Variants in ROR1 observed in about 807,000 individuals in gnomAD.
The protein encoded by ROR1 is inactive tyrosine-protein kinase transmembrane receptor ROR1.
In ROR1, 19 loss-of-function variants were observed where a neutral mutation model predicts 78.8. The observed-to-expected ratio is 0.24, with a 90% CI of 0.17 to 0.35. The LOEUF is 0.35. Among genes scored for constraint, ROR1 ranks in the 10% least tolerant of loss-of-function variants. The pLI is 1.00. For missense variants in ROR1, 917 were observed against 1,177.8 expected, an observed-to-expected ratio of 0.78 and a Z score of 3.24; for synonymous variants, 386 against 433.6, an observed-to-expected ratio of 0.89 and a Z score of 1.36.
intron 1 of ROR1, among the ~76,000 whole-genome samples, chr1:63,898,515 A>G (rs1645459155): frequency 6.6e-6 from 1 of 151,784 alleles, no homozygotes; most frequent in Admixed American, 6.6e-5. Context: ...AAAAAAAGGG[A>G]AAGAAAAAGA....
In ROR1 at chr1:64,177,737, A is replaced by T; in HGVS notation, c.1696A>T (p.Met566Leu). The T allele has an allele frequency of 3.1e-6, 5 of 1,614,162 alleles. No homozygotes were observed. The highest frequency in any genetic ancestry group is 4.2e-6 in the Non-Finnish European group (5 of 1,180,028). Residue 566 changes from methionine (M) to leucine (L), a missense_variant, in exon 9 of 9, where the codon ATG becomes TTG. Physicochemically the swap from Met to Leu is conservative, Grantham distance 15. Around this residue, in one of 3 missense-constraint regions of ROR1, gnomAD observed 835 missense variants for 1,069.8 expected, o/e 0.78. Transcript: ENST00000371079. ...NQGDLHEFLI[M>L]RSPHSDVGCS... ...GGGGGATCTCCATGAGTTCCTCATCATGAGATCCCCACACTCTGATGTTGG... is the reference window on the plus strand; with the variant it reads ...GGGGGATCTCCATGAGTTCCTCATCTTGAGATCCCCACACTCTGATGTTGG...
chr1:64,148,062 C>T (rs1053538387), intron 7 of ROR1, among the ~76,000 whole-genome samples: 4 of 152,192 alleles, frequency 2.6e-5, no homozygotes, highest in African/African-American at 9.7e-5. Flanking sequence ...CAATTGTAAA[C>T]TATAGAATAA....
intron 1 of ROR1, among the ~76,000 whole-genome samples, chr1:63,921,682 CGGGTGGGGT>C (rs1390284047): frequency 7.1e-4 from 1 of 1,408 alleles, no homozygotes; most frequent in African/African-American, 5.3e-3. Flanking sequence ...TGGGGTGGGG[CGGGTGGGGT>C]GGGAGGCTAG....
chr1:63,847,961 A>C (rs577230966), intron 1 of ROR1, among the ~76,000 whole-genome samples: 3 of 152,354 alleles, frequency 2.0e-5, no homozygotes, highest in African/African-American at 7.2e-5. Context: ...GAGCAGAGAT[A>C]AAAACAAAAC....
At chr1:63,835,058 C>G (rs1236980055) in intron 1 of ROR1, among the ~76,000 whole-genome samples, 1 of 152,106 alleles carries the variant, frequency 6.6e-6, no homozygotes, top group East Asian at 1.9e-4. Flanking sequence ...TAAAGTCACA[C>G]AGCTTCAAAT....
At chr1:64,050,884 A>T (rs964079250) in intron 4 of ROR1, among the ~76,000 whole-genome samples, 168 bp downstream of exon 4, 4 of 152,162 alleles carry the variant, frequency 2.6e-5, no homozygotes, top group African/African-American at 9.7e-5. Flanking sequence ...AAAGATTCAC[A>T]GGAGACCACC....
At chr1:63,784,398 T>C (rs1354218548) in intron 1 of ROR1, among the ~76,000 whole-genome samples, 1 of 152,220 alleles carries the variant, frequency 6.6e-6, no homozygotes, top group Non-Finnish European at 1.5e-5. Flanking sequence ...TTTTCACTAC[T>C]GTTTCACCAA....
rs1256813856 is a variant in ROR1, at chr1:64,076,079, G to GGTT, written c.482+25363_482+25364insGTT. 2.1e-3 allele frequency among the ~76,000 whole-genome samples: 314 copies of GGTT among 152,314 alleles called. 2 individuals carry two copies. The highest frequency in any genetic ancestry group is 7.4e-3 in the African/African-American group (308 of 41,544). On this transcript the variant is annotated intron_variant, in intron 4 of 8. Coordinates refer to ENST00000371079, the MANE Select transcript of ROR1 (RefSeq NM_005012.4). ...ACCCTTCTTGCTGACAGAGGAAGAA[G>GGTT]AATCCCACTACCTTTTAGCTGGAGG...
intron 1 of ROR1, among the ~76,000 whole-genome samples, chr1:63,809,470 T>C (rs1569748941): frequency 6.6e-6 from 1 of 152,172 alleles, no homozygotes; most frequent in Non-Finnish European, 1.5e-5. Context: ...TGCTTCCAAA[T>C]TGGGTTTAAA....
At chr1:64,030,728 T>C (rs982545426) in intron 2 of ROR1, among the ~76,000 whole-genome samples, 19 of 152,194 alleles carry the variant, frequency 1.2e-4, no homozygotes, top group Admixed American at 2.0e-4. Flanking sequence ...ATCCCTGACA[T>C]AGACTTAATG....
At chr1:64,067,710 C>CTTTTTTTTTTTTTTTTTTTTTTTTTT (rs986756579) in intron 4 of ROR1, among the ~76,000 whole-genome samples, 2 of 105,644 alleles carry the variant, frequency 1.9e-5, no homozygotes, top group African/African-American at 8.5e-5. Flanking sequence ...TAAATAAATT[C>CTTTTTTTTTTTTTTTTTTTTTTTTTT]TTTTTTTTTT....
At chr1:64,019,145 CAA>C (rs982126382) in intron 2 of ROR1, among the ~76,000 whole-genome samples, 6 of 152,190 alleles carry the variant, frequency 3.9e-5, no homozygotes, top group African/African-American at 1.4e-4. Flanking sequence ...TAGTGTGCAA[CAA>C]AGTTTGAGAA....
At chr1:64,125,208 CAAAT>C (rs1417378183) in intron 4 of ROR1, among the ~76,000 whole-genome samples, 1 of 152,130 alleles carries the variant, frequency 6.6e-6, no homozygotes, top group Non-Finnish European at 1.5e-5. Flanking sequence ...TTTCCAGACT[CAAAT>C]AAAGTAGATA....
rs555691585 is a variant in ROR1 at position 64,079,599 on chromosome 1, GTAGCTGGGAT to G, written c.482+28896_482+28905del. 2.3e-3 allele frequency among the ~76,000 whole-genome samples: 351 copies of G among 151,960 alleles called. 3 individuals are homozygous for G. Among genetic ancestry groups the G allele is most frequent in the African/African-American group, 8.1e-3 (337 of 41,478 alleles). ...CAATTCTCCCACCTCAGCCTTCCAAGTAGCTGGGATTAGCTGGGATTACAGGCACCTGCAA... is the reference window on the plus strand; with the variant it reads ...CAATTCTCCCACCTCAGCCTTCCAAGTAGCTGGGATTACAGGCACCTGCAA... On this transcript the variant is annotated intron_variant, in intron 4 of 8. Coordinates refer to ENST00000371079, the MANE Select transcript of ROR1 (RefSeq NM_005012.4).
chr1:64,003,602 G>A (rs1232419493), intron 1 of ROR1, among the ~76,000 whole-genome samples: 1 of 152,196 alleles, frequency 6.6e-6, no homozygotes, highest in Non-Finnish European at 1.5e-5. Context: ...AGTCAGCCGA[G>A]TCCCTAGTGT....
At chr1:63,962,609 C>G (rs1006393780) in intron 1 of ROR1, among the ~76,000 whole-genome samples, 2 of 152,162 alleles carry the variant, frequency 1.3e-5, no homozygotes, top group Non-Finnish European at 2.9e-5. Flanking sequence ...AAATAATGAT[C>G]AGACATCCAT....
chr1:63,876,647 T>G (rs887842231), intron 1 of ROR1, among the ~76,000 whole-genome samples: 40 of 101,730 alleles, frequency 3.9e-4, no homozygotes, highest in East Asian at 1.6e-3. Flanking sequence ...ACGAAAGGGG[T>G]GTGTGTGTGT....
At chr1:64,019,124 C>T (rs1007788713) in intron 2 of ROR1, among the ~76,000 whole-genome samples, 5 of 152,284 alleles carry the variant, frequency 3.3e-5, no homozygotes, top group African/African-American at 1.2e-4. Flanking sequence ...TAAAAGGTCT[C>T]CAGGTGATTC....
At chr1:64,012,039 T>C (rs185712709) in intron 2 of ROR1, among the ~76,000 whole-genome samples, 1 of 152,232 alleles carries the variant, frequency 6.6e-6, no homozygotes, top group African/African-American at 2.4e-5. Flanking sequence ...AAATAATCCA[T>C]TGCCAAGCTG....
Sources: allele counts gnomAD v4.1 joint callset (sites outside exome capture counted in the v4.1 genomes callset), GRCh38; gene constraint gnomAD v4.1.1; regional missense constraint gnomAD v4.1.1; transcripts MANE v1.5; gene names NCBI Gene and HGNC (gene_info 2026-07-23, HGNC 2026-07-21).